Variants in CCNJL observed in about 807,000 individuals in gnomAD.
CCNJL encodes cyclin J like, also known as cyclin-J-like protein.
In CCNJL, 33 loss-of-function variants were observed where a neutral mutation model predicts 33.4. The ratio of observed to expected loss-of-function variants is 0.99; its 90% CI spans 0.75 to 1.32. CCNJL has a LOEUF of 1.32. CCNJL is among the 40% of genes most tolerant of loss of function. The pLI is 0.00. For synonymous variants in CCNJL, 227 were observed against 220.9 expected (o/e 1.03, Z -0.24); for missense variants, 512 against 499.7 (o/e 1.02, Z -0.23).
In CCNJL at chr5:160,255,624, T is replaced by C. The variant is rs765073286; in HGVS notation, c.668A>G (p.Tyr223Cys). ...GATCCTCTGCAGGTCTCTGGTCCAG[T>C]AGGGAGAAAGCTGCAGGCAAATCCT... ...ASRICLQLSP[Y>C]WTRDLQRISS... The change falls in exon 5 of 6, where the codon TAC (tyrosine) becomes TGC (cysteine). Residue 223 changes from tyrosine (Y) to cysteine (C), a missense_variant. Physicochemically the swap from Tyr to Cys is radical, Grantham distance 194 (BLOSUM62 -2). Transcript: ENST00000257536. 6 of 1,614,032 alleles carry C rather than the reference T, an allele frequency of 3.7e-6. No individual in the cohort carries two copies. Among genetic ancestry groups the C allele is most frequent in the East Asian group, 2.2e-5 (1 of 44,880 alleles).
chr5:160,301,387 C>G (rs1762914928), intron 2 of CCNJL, among the ~76,000 whole-genome samples: 1 of 151,308 alleles, frequency 6.6e-6, no homozygotes, highest in South Asian at 2.1e-4. Flanking sequence ...AGGCTGGGGG[C>G]AGGATGGGAC....
rs73817375 is a variant in CCNJL, at chr5:160,280,751, C to T, written c.67-13G>A. ...GCAGCTTCAGTTCCTGGAGGACAGG[C>T]GGGGCGGAGGGGTGACGGTCAGGGC... On this transcript the variant is annotated splice_polypyrimidine_tract_variant and intron_variant, in intron 2 of 5. Coordinates refer to ENST00000257536, the MANE Select transcript of CCNJL (RefSeq NM_001308173.3). 9.5e-3 allele frequency: 14,904 copies of T among 1,567,836 alleles called. 1,154 individuals carry two copies. In the African/African-American group the frequency reaches 0.17, roughly 18 times the overall value.
At chr5:160,313,784 G>T (rs1460473156), upstream of CCNJL, among the ~76,000 whole-genome samples, 1 of 152,204 alleles carries the variant, frequency 6.6e-6, no homozygotes, top group East Asian at 1.9e-4. Flanking sequence ...AATGGTTGTG[G>T]GTAGATTGGA....
At chr5:160,268,435 G>A (rs1360991924) in intron 3 of CCNJL, among the ~76,000 whole-genome samples, 2 of 152,234 alleles carry the variant, frequency 1.3e-5, no homozygotes, top group Non-Finnish European at 2.9e-5. Context: ...TGGTGAGGGT[G>A]ACATGATGGC....
chr5:160,304,479 G>C (rs1409518109), intron 2 of CCNJL, among the ~76,000 whole-genome samples: 1 of 152,112 alleles, frequency 6.6e-6, no homozygotes, highest in Non-Finnish European at 1.5e-5. Flanking sequence ...TCATCTCCAG[G>C]GGGTCATGAG....
At position 160,253,211 on chromosome 5, in the gene CCNJL, G is replaced by T; in HGVS notation, c.*167C>A. 1.8e-6 allele frequency: 1 copy of T among 554,830 alleles called. No homozygotes were observed. 34.4% of individuals were successfully genotyped at this position (554,830 alleles called of 1,614,324 possible). On this transcript the variant is annotated 3_prime_UTR_variant, in exon 6 of 6. Transcript: ENST00000257536. ...ATGCTCTCGGGTGAGGTATGTTATT[G>T]AATGTTTTGCTCTGGGTCAGTTTTA... is the stretch of plus-strand genomic sequence containing the variant.
At position 160,269,355 on chromosome 5, in the gene CCNJL, C is replaced by T. The variant is rs140106676; in HGVS notation, c.281-9584G>A. 6.4e-4 allele frequency: 290 copies of T among 453,486 alleles called. 1 individual carries two copies. Among genetic ancestry groups the T allele is most frequent in the African/African-American group, 5.3e-3 (268 of 50,118 alleles). The allele number at this position is 453,486 out of a possible 1,614,324, so 28.1% of individuals were successfully genotyped here. The stretch of plus-strand genomic sequence containing the variant: ...CACCCGAATAGCTGGCATCTGGGGC[C>T]TGCATCCCACAAGTGCTTCTGTCCT... On this transcript the variant is annotated intron_variant, in intron 3 of 5. Coordinates refer to ENST00000257536, the MANE Select transcript of CCNJL (RefSeq NM_001308173.3).
intron 4 of CCNJL, among the ~76,000 whole-genome samples, chr5:160,257,175 TA>T (rs1423276408): frequency 9.9e-5 from 15 of 151,584 alleles, no homozygotes; most frequent in Admixed American, 9.2e-4. Flanking sequence ...ACCCCATCTC[TA>T]AAAAAATTTA....
Position 160,255,718 on chromosome 5 carries a change from A to G in CCNJL, c.584-10T>C, listed in dbSNP as rs1415917802. On this transcript the variant is annotated splice_polypyrimidine_tract_variant and intron_variant, in intron 4 of 5. Transcript: ENST00000257536. Reference sequence around the variant, plus strand: ...TTGTAGAATATGTGATCTGAAAGAAAGCCACGGAGGGAGTCAGCATCCAAA... The same window carrying G: ...TTGTAGAATATGTGATCTGAAAGAAGGCCACGGAGGGAGTCAGCATCCAAA... The G allele has an allele frequency of 6.2e-7, 1 of 1,612,928 alleles. No individual in the cohort carries two copies. The highest frequency in any genetic ancestry group is 8.5e-7 in the Non-Finnish European group (1 of 1,179,754).
intron 1 of CCNJL, among the ~76,000 whole-genome samples, chr5:160,330,102 G>A (rs1182522856): frequency 6.6e-6 from 1 of 152,052 alleles, no homozygotes; most frequent in Non-Finnish European, 1.5e-5. Context: ...GAATCCTCAT[G>A]TCCCGCCTTG....
chr5:160,286,934 T>G (rs1202946716), intron 2 of CCNJL, among the ~76,000 whole-genome samples: 2 of 152,206 alleles, frequency 1.3e-5, no homozygotes, highest in Non-Finnish European at 2.9e-5. Flanking sequence ...AATTTACTTA[T>G]TTATGTAGCT....
chr5:160,270,936 G>A (rs1401055907), intron 3 of CCNJL, among the ~76,000 whole-genome samples: 1 of 152,068 alleles, frequency 6.6e-6, no homozygotes, highest in African/African-American at 2.4e-5. Context: ...CTACAAGTCG[G>A]GAGGCATCAG....
intron 3 of CCNJL, among the ~76,000 whole-genome samples, chr5:160,266,728 CT>C (rs1761609559): frequency 6.6e-6 from 1 of 152,210 alleles, no homozygotes; most frequent in Non-Finnish European, 1.5e-5. Context: ...GACCCGGGAT[CT>C]TCTCAAGTCC....
At chr5:160,314,533 G>A (rs543442918), upstream of CCNJL, among the ~76,000 whole-genome samples, 57 of 152,214 alleles carry the variant, frequency 3.7e-4, no homozygotes, top group Non-Finnish European at 6.3e-4. Flanking sequence ...TTATACGGAG[G>A]GGAAGGCCTA....
upstream of CCNJL, among the ~76,000 whole-genome samples, chr5:160,313,275 G>A (rs1298771569): frequency 1.3e-5 from 2 of 152,178 alleles, no homozygotes; most frequent in African/African-American, 4.8e-5. Flanking sequence ...TATCCTTCTT[G>A]GCTGATTGAT....
chr5:160,255,478 G>T, intron 5 of CCNJL, 71 bp downstream of exon 5: 1 of 1,462,246 alleles, frequency 6.8e-7, no homozygotes, highest in Non-Finnish European at 9.5e-7. Context: ...ACTGCCCGTG[G>T]CCTGAGGCAG....
intron 3 of CCNJL, 130 bp downstream of exon 3, chr5:160,280,395 A>T (rs769121414): frequency 1.4e-6 from 1 of 730,028 alleles, no homozygotes; most frequent in East Asian, 2.5e-5. Flanking sequence ...ATGCTAAAAA[A>T]CGCTCAGTGA....
chr5:160,281,636 C>G (rs1432771762), intron 2 of CCNJL, among the ~76,000 whole-genome samples: 4 of 150,842 alleles, frequency 2.7e-5, no homozygotes, highest in South Asian at 4.1e-4. Flanking sequence ...GAAGATTAGA[C>G]ACTATTTGTT....
intron 2 of CCNJL, among the ~76,000 whole-genome samples, chr5:160,286,460 A>G (rs1001477534): frequency 3.9e-5 from 6 of 152,142 alleles, no homozygotes; most frequent in African/African-American, 1.2e-4. Flanking sequence ...CGTCATGGCA[A>G]AACCCCGTCT....
Sources: allele counts gnomAD v4.1 joint callset (sites outside exome capture counted in the v4.1 genomes callset), GRCh38; gene constraint gnomAD v4.1.1; transcripts MANE v1.5; gene names NCBI Gene and HGNC (gene_info 2026-07-23, HGNC 2026-07-21).